NELL1: variants seen among roughly 807,000 people sequenced by gnomAD.
The protein encoded by NELL1 is protein kinase C-binding protein NELL1.
Under a neutral mutation model 107.4 loss-of-function variants are expected in NELL1, and 76 were observed. The ratio of observed to expected loss-of-function variants is 0.71; its 90% CI spans 0.59 to 0.86. NELL1 has a LOEUF of 0.86. Ranked by LOEUF, NELL1 falls within the 40% of genes least tolerant of loss-of-function variation. The pLI is 0.00. For synonymous variants in NELL1, 353 were observed against 341.2 expected, an observed-to-expected ratio of 1.03 and a Z score of -0.38; for missense variants, 1,024 against 1,005.5, an observed-to-expected ratio of 1.02 and a Z score of -0.25.
At chr11:21,219,481 A>G (rs1330109160) in intron 13 of NELL1, among the ~76,000 whole-genome samples, 1 of 152,150 alleles carries the variant, frequency 6.6e-6, no homozygotes, top group Non-Finnish European at 1.5e-5. Flanking sequence ...CTTTAGTTTA[A>G]TATAATTCCA....
At chr11:21,090,356 T>A (rs1001215686) in intron 12 of NELL1, among the ~76,000 whole-genome samples, 8 of 152,150 alleles carry the variant, frequency 5.3e-5, no homozygotes, top group African/African-American at 1.9e-4. Flanking sequence ...GGATCATACA[T>A]AATAGAAAAA....
At chr11:21,057,789 T>A (rs1440675191) in intron 12 of NELL1, among the ~76,000 whole-genome samples, 2 of 152,068 alleles carry the variant, frequency 1.3e-5, no homozygotes, top group African/African-American at 2.4e-5. Context: ...GGATAGTTTT[T>A]AAAATTTTGC....
At chr11:21,227,913 C>T (rs894543721) in intron 13 of NELL1, among the ~76,000 whole-genome samples, 1 of 152,180 alleles carries the variant, frequency 6.6e-6, no homozygotes, top group Admixed American at 6.5e-5. Context: ...TTTCTCATTA[C>T]TGGGTCCCCA....
intron 12 of NELL1, among the ~76,000 whole-genome samples, chr11:21,112,753 T>A (rs1263311098): frequency 6.6e-6 from 1 of 152,040 alleles, no homozygotes; most frequent in African/African-American, 2.4e-5. Flanking sequence ...AGACTATTAA[T>A]CAGCAGAACC....
At chr11:21,389,816 A>G (rs888105950) in intron 15 of NELL1, among the ~76,000 whole-genome samples, 4 of 151,802 alleles carry the variant, frequency 2.6e-5, no homozygotes, top group Non-Finnish European at 4.4e-5. Flanking sequence ...GTATTAATCC[A>G]TTTCATTGTT....
At chr11:21,524,250 T>G (rs1361737564) in intron 15 of NELL1, among the ~76,000 whole-genome samples, 1 of 152,106 alleles carries the variant, frequency 6.6e-6, no homozygotes, top group African/African-American at 2.4e-5. Context: ...TCAGTAAAAT[T>G]AGAGCAATTC....
At chr11:21,053,784 T>G (rs1853552318) in intron 12 of NELL1, among the ~76,000 whole-genome samples, 1 of 152,148 alleles carries the variant, frequency 6.6e-6, no homozygotes, top group Non-Finnish European at 1.5e-5. Context: ...TTGGCAAAAT[T>G]GCTTTTCTTT....
intron 13 of NELL1, among the ~76,000 whole-genome samples, chr11:21,165,879 C>A (rs929667984): frequency 2.0e-5 from 3 of 150,198 alleles, no homozygotes; most frequent in Admixed American, 6.7e-5. Context: ...TCTCCTGCCT[C>A]AGCCTCCCGA....
chr11:20,994,514 A>G (rs1852046804), intron 12 of NELL1, among the ~76,000 whole-genome samples: 1 of 152,238 alleles, frequency 6.6e-6, no homozygotes, highest in Non-Finnish European at 1.5e-5. Flanking sequence ...TAAAAACAAG[A>G]AAGAACAACA....
intron 12 of NELL1, among the ~76,000 whole-genome samples, chr11:21,049,688 T>A (rs11025892): frequency 0.021 from 2,597 of 121,978 alleles, 35 homozygotes; most frequent in Middle Eastern, 0.046. Flanking sequence ...TAACTTTTTT[T>A]TTTTTTTGAG....
chr11:21,054,959 A>T (rs893499881), intron 12 of NELL1, among the ~76,000 whole-genome samples: 1 of 152,048 alleles, frequency 6.6e-6, no homozygotes, highest in African/African-American at 2.4e-5. Flanking sequence ...TTTGAAAGTC[A>T]GTCCTCACTG....
intron 3 of NELL1, among the ~76,000 whole-genome samples, chr11:20,831,232 C>T (rs1858002055): frequency 6.6e-6 from 1 of 152,142 alleles, no homozygotes; most frequent in Admixed American, 6.6e-5. Context: ...GACCTTGCTG[C>T]TCATGGTGTG....
chr11:21,128,481 A>G (rs1251937650), intron 13 of NELL1, among the ~76,000 whole-genome samples: 1 of 152,172 alleles, frequency 6.6e-6, no homozygotes, highest in Non-Finnish European at 1.5e-5. Context: ...AAATATCTTC[A>G]GATTAAAGCC....
chr11:20,700,952 A>C (rs1198653825), intron 2 of NELL1, among the ~76,000 whole-genome samples: 2 of 152,218 alleles, frequency 1.3e-5, no homozygotes, highest in Non-Finnish European at 2.9e-5. Flanking sequence ...TATTGTGAAT[A>C]GTGCCACAAT....
chr11:20,868,688 A>G (rs1849140291), intron 4 of NELL1, among the ~76,000 whole-genome samples: 1 of 152,216 alleles, frequency 6.6e-6, no homozygotes, highest in Non-Finnish European at 1.5e-5. Flanking sequence ...TCGCAATGCA[A>G]GGAAATAAAA....
chr11:21,219,260 G>A (rs1343693333), intron 13 of NELL1, among the ~76,000 whole-genome samples: 3 of 151,998 alleles, frequency 2.0e-5, no homozygotes, highest in Admixed American at 1.3e-4. Context: ...AAATATCTTT[G>A]TTGTCCATAT....
Position 21,264,987 on chromosome 11 carries a change from A to G in NELL1, c.1549+35533A>G, listed in dbSNP as rs1848608418. ...AGGGAGAAAGATAATTTAGAGTGGC[A>G]TAGTAAAGGCCTTAGGTAATAGAAA... On this transcript the variant is annotated intron_variant, in intron 14 of 19. Transcript: ENST00000357134. Among the ~76,000 whole-genome samples the G allele has an allele frequency of 2.6e-5, 4 of 152,138 alleles. No individual in the cohort carries two copies. The South Asian group carries it at 8.3e-4, about 32-fold the overall frequency.
At chr11:21,505,623 C>G (rs904971558) in intron 15 of NELL1, among the ~76,000 whole-genome samples, 1 of 152,092 alleles carries the variant, frequency 6.6e-6, no homozygotes, top group African/African-American at 2.4e-5. Context: ...TTTCCTATAC[C>G]TAGAGTCATC....
At chr11:20,946,312 A>G (rs1010512356) in intron 10 of NELL1, among the ~76,000 whole-genome samples, 6 of 152,160 alleles carry the variant, frequency 3.9e-5, no homozygotes, top group Non-Finnish European at 7.3e-5. Context: ...TTCCTGGTTG[A>G]CTTAAGCATC....
Sources: allele counts gnomAD v4.1 joint callset (sites outside exome capture counted in the v4.1 genomes callset), GRCh38; gene constraint gnomAD v4.1.1; transcripts MANE v1.5; gene names NCBI Gene and HGNC (gene_info 2026-07-23, HGNC 2026-07-21).